SHISAL1: variants seen among roughly 807,000 people sequenced by gnomAD.
The protein encoded by SHISAL1 is shisa like 1.
In SHISAL1, 9 loss-of-function variants were observed where a neutral mutation model predicts 22.6. The ratio of observed to expected loss-of-function variants is 0.40; its 90% CI spans 0.24 to 0.70. SHISAL1 has a LOEUF of 0.70. SHISAL1 is among the 30% of genes least tolerant of loss of function. The pLI, the probability that SHISAL1 is intolerant of heterozygous loss-of-function variation, is 0.39. For synonymous variants in SHISAL1, 119 were observed against 115.4 expected, an observed-to-expected ratio of 1.03 and a Z score of -0.20; for missense variants, 246 against 270.6, an observed-to-expected ratio of 0.91 and a Z score of 0.64.
chr22:44,318,445 G>T, the SHISAL1 span, among the ~76,000 whole-genome samples: 1 of 152,242 alleles, frequency 6.6e-6, no homozygotes, highest in Non-Finnish European at 1.5e-5. Context: ...GGGGAAGCGG[G>T]TGCTGGGCCC....
intron 4 of SHISAL1, among the ~76,000 whole-genome samples, chr22:44,256,616 G>A (rs1407634760): frequency 1.3e-5 from 2 of 152,018 alleles, no homozygotes; most frequent in Non-Finnish European, 2.9e-5. Flanking sequence ...TATCTCAAAC[G>A]CATTATCACC....
At chr22:44,294,568 C>A (rs1188251471) in intron 3 of SHISAL1, among the ~76,000 whole-genome samples, 1 of 152,066 alleles carries the variant, frequency 6.6e-6, no homozygotes, top group Non-Finnish European at 1.5e-5. Context: ...AGATAAGAAG[C>A]CTGACAATTC....
intron 4 of SHISAL1, among the ~76,000 whole-genome samples, chr22:44,266,724 C>T (rs966879463): frequency 2.0e-5 from 3 of 151,982 alleles, no homozygotes; most frequent in Non-Finnish European, 2.9e-5. Flanking sequence ...GCAAGAAAAA[C>T]GCCACTGGCG....
At chr22:44,263,732 G>A (rs1335355929) in intron 4 of SHISAL1, among the ~76,000 whole-genome samples, 2 of 152,192 alleles carry the variant, frequency 1.3e-5, no homozygotes, top group East Asian at 1.9e-4. Flanking sequence ...GAGGAATGTG[G>A]GCACCTCTGG....
rs939673245 is a variant in SHISAL1 at position 44,249,361 on chromosome 22, G to A, written c.*324C>T. The A allele has an allele frequency of 3.2e-6, 1 of 315,228 alleles. No individual in the cohort carries two copies. The allele number at this position is 315,228 out of a possible 1,614,324, so 19.5% of individuals were successfully genotyped here. On this transcript the variant is annotated 3_prime_UTR_variant, in exon 5 of 5. Coordinates refer to ENST00000381176, the MANE Select transcript of SHISAL1 (RefSeq NM_001099294.2). ...CTCACAGGCCTCAATCCTCCTGGCT[G>A]GAATCAGCCAGAGTTGCTTTGTCTT...
rs1266099367 is a variant in SHISAL1, at chr22:44,244,960, G to T, written c.*4725C>A. 2.0e-5 allele frequency: 3 copies of T among 152,264 alleles called. No individual in the cohort carries two copies. Among genetic ancestry groups the T allele is most frequent in the Non-Finnish European group, 2.9e-5 (2 of 68,070 alleles). The allele number at this position is 152,264 out of a possible 1,614,324, so 9.4% of individuals were successfully genotyped here. A position where few individuals can be genotyped will look rare whatever the true frequency, so the allele number is the denominator to read the frequency against. Reference sequence around the variant, plus strand: ...TGCTACAGCAAGGAACTAGGGCACTGTGCATGGCATCTGGCACATAGTAAG... The same window carrying T: ...TGCTACAGCAAGGAACTAGGGCACTTTGCATGGCATCTGGCACATAGTAAG... On this transcript the variant is annotated 3_prime_UTR_variant, in exon 5 of 5. Coordinates refer to ENST00000381176, the MANE Select transcript of SHISAL1 (RefSeq NM_001099294.2).
intron 4 of SHISAL1, among the ~76,000 whole-genome samples, chr22:44,273,881 TAAC>T (rs2055220940): frequency 2.0e-5 from 3 of 152,072 alleles, no homozygotes; most frequent in Admixed American, 2.0e-4. Flanking sequence ...TACAATTAAT[TAAC>T]AAATGAAAGG....
the SHISAL1 span, among the ~76,000 whole-genome samples, chr22:44,323,893 G>C: frequency 6.6e-6 from 1 of 152,206 alleles, no homozygotes; most frequent in African/African-American, 2.4e-5. Context: ...TATTTACTGA[G>C]CACTTACTAT....
chr22:44,316,290 C>T (rs1366905720), upstream of SHISAL1, among the ~76,000 whole-genome samples: 1 of 151,894 alleles, frequency 6.6e-6, no homozygotes, highest in Non-Finnish European at 1.5e-5. Context: ...CCACTCTGAG[C>T]CTCAGTTTCC....
At chr22:44,311,562 T>C (rs956449556) in intron 1 of SHISAL1, among the ~76,000 whole-genome samples, 1 of 152,200 alleles carries the variant, frequency 6.6e-6, no homozygotes, top group Admixed American at 6.5e-5. Flanking sequence ...CCCATCAAAG[T>C]TCTCTGCATG....
intron 4 of SHISAL1, among the ~76,000 whole-genome samples, chr22:44,268,203 G>C (rs749680057): frequency 6.6e-6 from 1 of 152,158 alleles, no homozygotes; most frequent in Non-Finnish European, 1.5e-5. Flanking sequence ...GCTTTAATGG[G>C]AGGAGGCATT....
chr22:44,327,192 T>C, the SHISAL1 span, among the ~76,000 whole-genome samples: 2 of 151,980 alleles, frequency 1.3e-5, no homozygotes, highest in Non-Finnish European at 2.9e-5. Flanking sequence ...ACTGTCTCTG[T>C]CTACCACCCT....
At chr22:44,255,792 T>C (rs1340882060) in intron 4 of SHISAL1, among the ~76,000 whole-genome samples, 1 of 152,230 alleles carries the variant, frequency 6.6e-6, no homozygotes, top group Non-Finnish European at 1.5e-5. Flanking sequence ...CTCCCTGTCC[T>C]ATTCCTCACT....
chr22:44,284,681 G>A (rs1277202301), intron 4 of SHISAL1, among the ~76,000 whole-genome samples: 1 of 152,170 alleles, frequency 6.6e-6, no homozygotes, highest in Non-Finnish European at 1.5e-5. Context: ...CAGCCTCCCA[G>A]GGAGTTCCTG....
intron 4 of SHISAL1, among the ~76,000 whole-genome samples, chr22:44,261,714 T>C (rs2055125701): frequency 6.6e-6 from 1 of 152,274 alleles, no homozygotes; most frequent in African/African-American, 2.4e-5. Flanking sequence ...ACTCTTGTTC[T>C]GCTCTCACGG....
Position 44,264,184 on chromosome 22 carries a change from GC to G in SHISAL1, c.*-14500del, listed in dbSNP as rs561054902. 1.2e-4 allele frequency among the ~76,000 whole-genome samples: 19 copies of G among 152,306 alleles called. No homozygotes were observed. In the South Asian group the frequency reaches 3.9e-3, roughly 32 times the overall value. The stretch of plus-strand genomic sequence containing the variant: ...CTGCCCCAGCACCTGCCTTGTCAAA[GC>G]CCTGGTGGACCCATGGGATTGCCCA... On this transcript the variant is annotated intron_variant, in intron 4 of 4. Coordinates refer to ENST00000381176, the MANE Select transcript of SHISAL1 (RefSeq NM_001099294.2).
chr22:44,295,895 C>G (rs1176122887), intron 3 of SHISAL1, among the ~76,000 whole-genome samples: 2 of 152,230 alleles, frequency 1.3e-5, no homozygotes, highest in East Asian at 3.8e-4. Context: ...CTCTCTCTTT[C>G]TCCACACCTG....
intron 1 of SHISAL1, among the ~76,000 whole-genome samples, chr22:44,309,008 C>A (rs556107785): frequency 6.6e-6 from 1 of 152,332 alleles, no homozygotes; most frequent in Admixed American, 6.5e-5. Flanking sequence ...TGGGCCTTTG[C>A]CCAGCTGGTC....
chr22:44,329,261 A>G, the SHISAL1 span, among the ~76,000 whole-genome samples: 1 of 152,114 alleles, frequency 6.6e-6, no homozygotes. Flanking sequence ...TGGATGGATG[A>G]CCGGTAACTG....
Sources: gnomAD v4.1 joint callset for allele counts (sites outside exome capture counted in the v4.1 genomes callset) on GRCh38, gnomAD v4.1.1 for gene constraint, MANE v1.5 for transcripts, NCBI Gene and HGNC (gene_info 2026-07-23, HGNC 2026-07-21) for gene names.